Variants in CSMD1 observed in about 807,000 individuals in gnomAD.
CSMD1 encodes the protein CUB and Sushi multiple domains 1.
CSMD1 carries 213 observed loss-of-function variants against 417.5 expected under a neutral mutation model. That is an observed-to-expected ratio of 0.51 (90% CI 0.46 to 0.57). CSMD1 has a LOEUF of 0.57. Ranked by LOEUF, CSMD1 falls within the 20% of genes least tolerant of loss-of-function variation. CSMD1 has a pLI of 0.00. For synonymous variants in CSMD1, 2,862 were observed against 1,736.8 expected, an observed-to-expected ratio of 1.65 and a Z score of -16.11; for missense variants, 6,923 against 4,529.7, an observed-to-expected ratio of 1.53 and a Z score of -15.17.
At chr8:3,309,824 C>G (rs1319330383) in intron 23 of CSMD1, among the ~76,000 whole-genome samples, 1 of 152,118 alleles carries the variant, frequency 6.6e-6, no homozygotes, top group Non-Finnish European at 1.5e-5. Flanking sequence ...ATAATTTTAC[C>G]CTGCTGATGT....
intron 3 of CSMD1, among the ~76,000 whole-genome samples, chr8:4,250,229 C>G (rs571476863): frequency 1.3e-5 from 2 of 152,274 alleles, no homozygotes; most frequent in East Asian, 3.9e-4. Context: ...TACAACAACA[C>G]AAATGTACTA....
chr8:3,593,486 C>T (rs928013060), intron 8 of CSMD1, among the ~76,000 whole-genome samples: 1 of 152,178 alleles, frequency 6.6e-6, no homozygotes, highest in Non-Finnish European at 1.5e-5. Context: ...GGAGAGATGC[C>T]TGCTCTCACT....
chr8:4,854,695 C>G (rs1304083536), intron 1 of CSMD1, among the ~76,000 whole-genome samples: 3 of 152,140 alleles, frequency 2.0e-5, no homozygotes, highest in Admixed American at 6.5e-5. Context: ...CGAATACTGC[C>G]CTTTTCCGAC....
Position 3,284,364 on chromosome 8 carries a change from G to A in CSMD1, c.3951-18C>T. 6.3e-7 allele frequency: 1 copy of A among 1,596,976 alleles called. No individual in the cohort carries two copies. The highest frequency in any genetic ancestry group is 8.6e-7 in the Non-Finnish European group (1 of 1,165,896). On this transcript the variant is annotated intron_variant, in intron 25 of 69. Transcript: ENST00000635120. Reference sequence around the variant, plus strand: ...AATGGAGGCTGCAAGAGAGAACACAGTAGCGCTACTTGCCGTGCATCGAGC... The same window carrying A: ...AATGGAGGCTGCAAGAGAGAACACAATAGCGCTACTTGCCGTGCATCGAGC...
intron 2 of CSMD1, among the ~76,000 whole-genome samples, chr8:4,575,098 A>G (rs1003542520): frequency 6.6e-6 from 1 of 152,192 alleles, no homozygotes; most frequent in Non-Finnish European, 1.5e-5. Flanking sequence ...AAAATGCACT[A>G]ACATGTAAGG....
chr8:3,961,489 T>TGG (rs1812317662), intron 5 of CSMD1, among the ~76,000 whole-genome samples: 9 of 152,180 alleles, frequency 5.9e-5, no homozygotes, highest in Admixed American at 4.6e-4. Flanking sequence ...TCTAGCCCCA[T>TGG]ATGCGTTCAT....
At chr8:3,743,298 G>C (rs1199868833) in intron 6 of CSMD1, among the ~76,000 whole-genome samples, 1 of 152,198 alleles carries the variant, frequency 6.6e-6, no homozygotes, top group East Asian at 1.9e-4. Context: ...TGCCTCTCTG[G>C]AGATGGCTTT....
At chr8:4,015,953 G>A (rs1009274644) in intron 4 of CSMD1, among the ~76,000 whole-genome samples, 2 of 152,166 alleles carry the variant, frequency 1.3e-5, no homozygotes, top group Non-Finnish European at 2.9e-5. Flanking sequence ...CCCCCAAGAA[G>A]GTTGCCGTTG....
intron 37 of CSMD1, among the ~76,000 whole-genome samples, chr8:3,171,791 A>T (rs1244178474): frequency 2.6e-5 from 4 of 152,228 alleles, no homozygotes; most frequent in Non-Finnish European, 4.4e-5. Context: ...CTATTGAAAT[A>T]CATGCTTTGT....
chr8:4,260,279 T>C (rs1247214688), intron 3 of CSMD1, among the ~76,000 whole-genome samples: 4 of 152,362 alleles, frequency 2.6e-5, no homozygotes, highest in Non-Finnish European at 4.4e-5. Context: ...TTAATGTTTG[T>C]ATTTGTTCAT....
chr8:4,865,207 A>G (rs796463538), intron 1 of CSMD1, among the ~76,000 whole-genome samples: 2 of 151,822 alleles, frequency 1.3e-5, no homozygotes, highest in Non-Finnish European at 2.9e-5. Flanking sequence ...ATGCATAATG[A>G]TAAGTCCTTT....
chr8:3,707,125 C>A (rs1256642510), intron 7 of CSMD1, among the ~76,000 whole-genome samples: 1 of 152,136 alleles, frequency 6.6e-6, no homozygotes, highest in East Asian at 1.9e-4. Flanking sequence ...CAGGACTGAG[C>A]ACAGACTATG....
chr8:4,838,958 C>T (rs1800675043), intron 1 of CSMD1, among the ~76,000 whole-genome samples: 1 of 152,200 alleles, frequency 6.6e-6, no homozygotes, highest in African/African-American at 2.4e-5. Flanking sequence ...TTCAGCAATT[C>T]ATAATTTTTT....
intron 1 of CSMD1, among the ~76,000 whole-genome samples, chr8:4,663,167 A>C: frequency 6.6e-6 from 1 of 152,290 alleles, no homozygotes; most frequent in East Asian, 1.9e-4. Context: ...AACCCACTGG[A>C]TCAGCTGGGA....
chr8:3,485,292 AG>A (rs961805841), intron 11 of CSMD1, among the ~76,000 whole-genome samples: 3 of 152,178 alleles, frequency 2.0e-5, no homozygotes, highest in Non-Finnish European at 4.4e-5. Context: ...CAATCATAGA[AG>A]GTAACACACT....
chr8:3,056,732 G>A (rs1366378603), intron 49 of CSMD1, among the ~76,000 whole-genome samples: 1 of 142,490 alleles, frequency 7.0e-6, no homozygotes, highest in Admixed American at 6.9e-5. Flanking sequence ...TTAAAGATAC[G>A]TATTTATATG....
intron 5 of CSMD1, among the ~76,000 whole-genome samples, chr8:3,838,299 G>A (rs150491737): frequency 1.3e-5 from 2 of 151,966 alleles, no homozygotes; most frequent in Non-Finnish European, 2.9e-5. Flanking sequence ...CACTTTGGGA[G>A]GCAAGGCAGG....
chr8:4,372,957 G>C (rs1802487024), intron 3 of CSMD1, among the ~76,000 whole-genome samples: 1 of 152,230 alleles, frequency 6.6e-6, no homozygotes, highest in Admixed American at 6.5e-5. Context: ...GAAGAGTGCA[G>C]TGTGGCAAGA....
intron 5 of CSMD1, among the ~76,000 whole-genome samples, chr8:3,990,402 C>T (rs939143532): frequency 2.0e-5 from 3 of 152,090 alleles, no homozygotes; most frequent in Non-Finnish European, 2.9e-5. Flanking sequence ...AGGATGGAGA[C>T]GGGGACTTCT....
Sources: gnomAD v4.1 joint callset for allele counts (sites outside exome capture counted in the v4.1 genomes callset) on GRCh38, gnomAD v4.1.1 for gene constraint, MANE v1.5 for transcripts, NCBI Gene and HGNC (gene_info 2026-07-23, HGNC 2026-07-21) for gene names.